The following GLS variants were observed in gnomAD, a reference collection of about 807,000 sequenced individuals.
The protein encoded by GLS is glutaminase, also known as glutaminase kidney isoform, mitochondrial.
A neutral mutation model predicts 86.7 loss-of-function variants in GLS; 36 were observed. The ratio of observed to expected loss-of-function variants is 0.42; its 90% CI spans 0.32 to 0.55. The LOEUF is 0.55. Among genes scored for constraint, GLS ranks in the 20% least tolerant of loss-of-function variants. The pLI, the probability that GLS is intolerant of heterozygous loss-of-function variation, is 0.17. For synonymous variants in GLS, 317 were observed against 305.9 expected (o/e 1.04, Z -0.38); for missense variants, 528 against 833.4 (o/e 0.63, Z 4.51).
intron 9 of GLS, among the ~76,000 whole-genome samples, chr2:190,922,120 T>C (rs1350478516): frequency 6.6e-6 from 1 of 152,134 alleles, no homozygotes; most frequent in Admixed American, 6.6e-5. Context: ...ATACGGTCTG[T>C]GTTGTAACTT....
rs145659541 is a variant in GLS at position 190,905,375 on chromosome 2, A to G, written c.979+208A>G. On this transcript the variant is annotated intron_variant, in intron 6 of 17. Transcript: ENST00000320717. The surrounding 1 kb of genome is among the most constrained non-coding windows in gnomAD (Gnocchi z 4.6). ...GGGAAGTGGGCTAGGGAGAACATGA[A>G]CTTCTCTCTTCATAACCACCTTTAG... 1,224 of 425,870 alleles carry G rather than the reference A, an allele frequency of 2.9e-3. 11 individuals are homozygous for G. Among genetic ancestry groups the G allele is most frequent in the African/African-American group, 0.023 (1,115 of 49,264 alleles). 26.4% of individuals were successfully genotyped at this position (425,870 alleles called of 1,614,324 possible). A position where few individuals can be genotyped will look rare whatever the true frequency, so the allele number is the denominator to read the frequency against.
At position 190,938,435 on chromosome 2, in the gene GLS, T is replaced by A. The variant is rs1210361502; in HGVS notation, c.1650+6798T>A. Among the ~76,000 whole-genome samples, 1 of 151,620 alleles carries A rather than the reference T, an allele frequency of 6.6e-6. No homozygotes were observed. The highest frequency in any genetic ancestry group is 2.4e-5 in the African/African-American group (1 of 41,430). ...TATATTCTGTAAAACAGCCGAAGGC[T>A]TTCTTTTGTTTTTAAAACATAGTCC... is the stretch of plus-strand genomic sequence containing the variant. On this transcript the variant is annotated intron_variant, in intron 14 of 17. Transcript: ENST00000320717. The surrounding 1 kb of genome is among the most constrained non-coding windows in gnomAD (Gnocchi z 4.1).
chr2:190,919,155 G>A (rs1020697865), intron 7 of GLS, among the ~76,000 whole-genome samples: 4 of 152,112 alleles, frequency 2.6e-5, no homozygotes, highest in Non-Finnish European at 5.9e-5. Flanking sequence ...ACACAATGAA[G>A]TGAAGCTCAA....
In GLS at chr2:190,956,497, T is replaced by G. The variant is rs1690864349; in HGVS notation, c.1853+1679T>G. 6.6e-6 allele frequency among the ~76,000 whole-genome samples: 1 copy of G among 152,240 alleles called. No homozygotes were observed. The highest frequency in any genetic ancestry group is 6.5e-5 in the Admixed American group (1 of 15,284). The stretch of plus-strand genomic sequence containing the variant: ...GGTATCAGTACCATACTGTTTTGAT[T>G]ACTGTAGCCTTGTAGTATAGTTTGA... On this transcript the variant is annotated intron_variant, in intron 17 of 17. Coordinates refer to ENST00000320717, the MANE Select transcript of GLS (RefSeq NM_014905.5). This position sits in a 1 kb window ranked among gnomAD's most constrained non-coding sequence, Gnocchi z 4.2.
intron 14 of GLS, chr2:190,933,740 G>T (rs1690182517): frequency 1.2e-6 from 1 of 807,380 alleles, no homozygotes; most frequent in Non-Finnish European, 1.5e-6. Context: ...GCAAATTTTG[G>T]TTTTTAGCTT....
Position 190,880,870 on chromosome 2 carries a change from C to G in GLS, c.-215C>G, listed in dbSNP as rs1227765984. On this transcript the variant is annotated 5_prime_UTR_variant, in exon 1 of 18. Transcript: ENST00000320717. Reference sequence around the variant, plus strand: ...AGAGAACCGGTCGCGGCAATCCTAGCGCGCAGCAGCAGCAGCAGCAGCAGC... The same window carrying G: ...AGAGAACCGGTCGCGGCAATCCTAGGGCGCAGCAGCAGCAGCAGCAGCAGC... 2.8e-6 allele frequency: 2 copies of G among 716,648 alleles called. No individual in the cohort carries two copies. Among genetic ancestry groups the G allele is most frequent in the Non-Finnish European group, 2.3e-6 (1 of 431,182 alleles). The allele number at this position is 716,648 out of a possible 1,614,324, so 44.4% of individuals were successfully genotyped here.
In GLS at chr2:190,895,546, ATAAG is replaced by A; in HGVS notation, c.484-57_484-54del. On this transcript the variant is annotated intron_variant, in intron 2 of 17. Coordinates refer to ENST00000320717, the MANE Select transcript of GLS (RefSeq NM_014905.5). This position sits in a 1 kb window ranked among gnomAD's most constrained non-coding sequence, Gnocchi z 4.2. ...ACAGGAATAAAATCTTATAGTTGGT[ATAAG>A]CATATACATTATTTGCACTATATAT... is the stretch of plus-strand genomic sequence containing the variant. 8.3e-7 allele frequency: 1 copy of A among 1,209,920 alleles called. No homozygotes were observed. The highest frequency in any genetic ancestry group is 1.2e-6 in the Non-Finnish European group (1 of 843,804). 74.9% of individuals were successfully genotyped at this position (1,209,920 alleles called of 1,614,324 possible).
At chr2:190,893,989 T>TA (rs758205534) in intron 1 of GLS, among the ~76,000 whole-genome samples, 10 of 152,238 alleles carry the variant, frequency 6.6e-5, no homozygotes, top group Non-Finnish European at 7.3e-5. Flanking sequence ...TATGTGTTTT[T>TA]AAAAAACATT....
intron 14 of GLS, among the ~76,000 whole-genome samples, chr2:190,936,283 C>A (rs138666303): frequency 4.0e-5 from 6 of 150,984 alleles, no homozygotes; most frequent in Admixed American, 1.3e-4. Context: ...CTGAAATATA[C>A]TGATATGTCA....
chr2:190,933,130 G>A, intron 14 of GLS: 1 of 879,992 alleles, frequency 1.1e-6, no homozygotes, highest in Non-Finnish European at 1.4e-6. Context: ...TTTTTTTGAT[G>A]TAATTAAAAT....
At chr2:190,888,227 A>G (rs1559314379) in intron 1 of GLS, among the ~76,000 whole-genome samples, 1 of 152,226 alleles carries the variant, frequency 6.6e-6, no homozygotes, top group Non-Finnish European at 1.5e-5. Flanking sequence ...GCACCATTAC[A>G]TTGAAAGAAA....
chr2:190,908,496 G>C (rs1689239230), intron 6 of GLS, among the ~76,000 whole-genome samples: 1 of 152,160 alleles, frequency 6.6e-6, no homozygotes, highest in Non-Finnish European at 1.5e-5. Flanking sequence ...AATTTCAGAT[G>C]TCACCCATGT....
At position 190,963,585 on chromosome 2, in the gene GLS, T is replaced by C. The variant is rs1012180098; in HGVS notation, c.*599T>C. ...TATCAGGGAATCTGTTTAAGATATG[T>C]TTGGTGACCAAAACGTATGTGTGAA... On this transcript the variant is annotated 3_prime_UTR_variant, in exon 18 of 18. Transcript: ENST00000320717. 6.5e-6 allele frequency: 1 copy of C among 152,680 alleles called. No homozygotes were observed. Among genetic ancestry groups the C allele is most frequent in the African/African-American group, 2.4e-5 (1 of 41,462 alleles). The allele number at this position is 152,680 out of a possible 1,614,324, so 9.5% of individuals were successfully genotyped here. A position where few individuals can be genotyped will look rare whatever the true frequency, so the allele number is the denominator to read the frequency against.
chr2:190,894,104 C>T (rs1017510146), intron 1 of GLS, among the ~76,000 whole-genome samples: 1 of 152,040 alleles, frequency 6.6e-6, no homozygotes, highest in Non-Finnish European at 1.5e-5. Context: ...TAACGTTTTT[C>T]TTTTAATAGT....
rs2124945034 is a variant in GLS, at chr2:190,951,052, TG to T, written c.1651-2509del. On this transcript the variant is annotated intron_variant, in intron 14 of 17. Transcript: ENST00000320717. This position sits in a 1 kb window ranked among gnomAD's most constrained non-coding sequence, Gnocchi z 4.2. ...TTAGGAGAAAGATTTAGATTAAAGA[TG>T]GGGAAGTCAGTGTGCCCAGAGGAAT... Among the ~76,000 whole-genome samples, 1 of 152,198 alleles carries T rather than the reference TG, an allele frequency of 6.6e-6. No homozygotes were observed. Among genetic ancestry groups the T allele is most frequent in the Admixed American group, 6.5e-5 (1 of 15,290 alleles).
chr2:190,911,291 T>G (rs1558976889), intron 7 of GLS, among the ~76,000 whole-genome samples: 1 of 152,114 alleles, frequency 6.6e-6, no homozygotes, highest in Non-Finnish European at 1.5e-5. Context: ...ATCTAACTTG[T>G]ATACTAGAAA....
At chr2:190,937,393 A>G (rs1163181587) in intron 14 of GLS, among the ~76,000 whole-genome samples, 1 of 151,366 alleles carries the variant, frequency 6.6e-6, no homozygotes, top group African/African-American at 2.4e-5. Context: ...GAAATTTAGA[A>G]AACTACTCTA....
chr2:190,900,139 A>C (rs1464024813), intron 3 of GLS, among the ~76,000 whole-genome samples: 1 of 152,160 alleles, frequency 6.6e-6, no homozygotes, highest in Non-Finnish European at 1.5e-5. Flanking sequence ...AATGCTAGTA[A>C]TAGTTATATA....
At chr2:190,948,765 T>G (rs1690641134) in intron 14 of GLS, among the ~76,000 whole-genome samples, 3 of 152,130 alleles carry the variant, frequency 2.0e-5, no homozygotes, top group African/African-American at 4.8e-5. Flanking sequence ...TACTTTTGAT[T>G]TAAGAGATTG....
Sources: gnomAD v4.1 joint callset for allele counts (sites outside exome capture counted in the v4.1 genomes callset) on GRCh38, gnomAD v4.1.1 for gene constraint, Gnocchi (gnomAD v3.1) non-coding constraint, MANE v1.5 for transcripts, NCBI Gene and HGNC (gene_info 2026-07-23, HGNC 2026-07-21) for gene names.